Variants in ZNF521 observed in about 807,000 individuals in gnomAD.
ZNF521 encodes zinc finger protein 521.
In ZNF521, 14 loss-of-function variants were observed where a neutral mutation model predicts 105.5. The observed-to-expected ratio is 0.13, with a 90% CI of 0.09 to 0.21. The LOEUF (loss-of-function observed/expected upper bound fraction) is 0.21. ZNF521 is among the 10% of genes least tolerant of loss of function. The pLI is 1.00. For synonymous variants in ZNF521, 635 were observed against 606.0 expected, an observed-to-expected ratio of 1.05 and a Z score of -0.70; for missense variants, 1,233 against 1,629.7, an observed-to-expected ratio of 0.76 and a Z score of 4.19.
chr18:25,111,593 AC>A (rs933300435), intron 5 of ZNF521, among the ~76,000 whole-genome samples: 1 of 152,182 alleles, frequency 6.6e-6, no homozygotes, highest in Non-Finnish European at 1.5e-5. Flanking sequence ...TAAAGCTGAC[AC>A]CCCTGGTCAG....
chr18:25,116,889 G>A (rs914998146), intron 5 of ZNF521, among the ~76,000 whole-genome samples: 6 of 45,148 alleles, frequency 1.3e-4, no homozygotes, highest in African/African-American at 1.9e-4. Flanking sequence ...ATATATATAC[G>A]TATATATATA....
At chr18:25,233,156 A>G (rs1568025908) in intron 3 of ZNF521, among the ~76,000 whole-genome samples, 1 of 152,234 alleles carries the variant, frequency 6.6e-6, no homozygotes, top group Non-Finnish European at 1.5e-5. Context: ...ACACCATCAT[A>G]TTTAAAATCT....
chr18:25,245,249 C>T (rs1225350908), intron 3 of ZNF521, among the ~76,000 whole-genome samples: 1 of 152,124 alleles, frequency 6.6e-6, no homozygotes, highest in African/African-American at 2.4e-5. Flanking sequence ...TGAATTCGTC[C>T]TTTTTATTAA....
At chr18:25,160,229 G>C (rs572715129) in intron 5 of ZNF521, among the ~76,000 whole-genome samples, 9 of 152,218 alleles carry the variant, frequency 5.9e-5, no homozygotes, top group Non-Finnish European at 1.2e-4. Context: ...AAATGAAATC[G>C]GGTAAACTTT....
At chr18:25,294,516 A>G (rs962760319) in intron 3 of ZNF521, among the ~76,000 whole-genome samples, 1 of 152,198 alleles carries the variant, frequency 6.6e-6, no homozygotes, top group Admixed American at 6.5e-5. Context: ...GAAAATGTAC[A>G]TGGCAAACCT....
At chr18:25,096,601 T>A (rs2033856763) in intron 5 of ZNF521, among the ~76,000 whole-genome samples, 1 of 152,092 alleles carries the variant, frequency 6.6e-6, no homozygotes, top group South Asian at 2.1e-4. Flanking sequence ...AAATCTAGAG[T>A]GGCTACAAGC....
intron 4 of ZNF521, among the ~76,000 whole-genome samples, chr18:25,209,501 G>A (rs547926880): frequency 1.3e-5 from 2 of 152,144 alleles, no homozygotes; most frequent in African/African-American, 4.8e-5. Flanking sequence ...TTTCCCCCCA[G>A]TATGTAAATA....
chr18:25,156,441 G>A (rs769970232), intron 5 of ZNF521, among the ~76,000 whole-genome samples: 7 of 152,040 alleles, frequency 4.6e-5, no homozygotes, highest in African/African-American at 7.2e-5. Flanking sequence ...ATTTTCTCAC[G>A]CTCATTCGTC....
chr18:25,195,296 T>G, intron 4 of ZNF521, 52 bp from the exon 5 acceptor site: 1 of 1,395,540 alleles, frequency 7.2e-7, no homozygotes, highest in Non-Finnish European at 9.8e-7. Context: ...CTTTTAATTG[T>G]TTCTTTGTTT....
chr18:25,128,106 C>T (rs1335396397), intron 5 of ZNF521, among the ~76,000 whole-genome samples: 2 of 151,640 alleles, frequency 1.3e-5, no homozygotes, highest in Admixed American at 6.6e-5. Context: ...TCCAACAATA[C>T]ATAAAACAAT....
intron 3 of ZNF521, among the ~76,000 whole-genome samples, chr18:25,266,743 C>T (rs1314752565): frequency 1.3e-5 from 2 of 152,170 alleles, no homozygotes; most frequent in Non-Finnish European, 2.9e-5. Flanking sequence ...TTCCCACGGT[C>T]TTCACAACCC....
At chr18:25,114,517 G>T (rs2034265049) in intron 5 of ZNF521, among the ~76,000 whole-genome samples, 1 of 152,132 alleles carries the variant, frequency 6.6e-6, no homozygotes. Flanking sequence ...ATGATGGAGA[G>T]AATAGCATAG....
intron 3 of ZNF521, among the ~76,000 whole-genome samples, chr18:25,309,220 A>G (rs1452912890): frequency 6.6e-6 from 1 of 152,238 alleles, no homozygotes; most frequent in East Asian, 1.9e-4. Flanking sequence ...GCTTCAGTCC[A>G]AGTGACAAAA....
chr18:25,216,955 A>T (rs1359490061), intron 4 of ZNF521, among the ~76,000 whole-genome samples: 3 of 152,210 alleles, frequency 2.0e-5, no homozygotes, highest in Non-Finnish European at 4.4e-5. Flanking sequence ...AGAAAGAGCC[A>T]GCAGAACAGA....
chr18:25,133,049 C>T (rs891561504), intron 5 of ZNF521, among the ~76,000 whole-genome samples: 1 of 152,108 alleles, frequency 6.6e-6, no homozygotes, highest in Admixed American at 6.6e-5. Flanking sequence ...TCCTAATTGC[C>T]GCTTAGTCAG....
chr18:25,087,759 T>C (rs2033655087), intron 7 of ZNF521, among the ~76,000 whole-genome samples: 1 of 152,214 alleles, frequency 6.6e-6, no homozygotes, highest in Non-Finnish European at 1.5e-5. Flanking sequence ...TATATTCAAT[T>C]CATGAACACA....
chr18:25,318,102 A>G (rs1001027368), intron 3 of ZNF521, among the ~76,000 whole-genome samples: 10 of 152,294 alleles, frequency 6.6e-5, no homozygotes, highest in African/African-American at 2.2e-4. Context: ...ACAAATAATG[A>G]TATGTTCATA....
chr18:25,088,166 C>A (rs2144201048), intron 7 of ZNF521, among the ~76,000 whole-genome samples: 1 of 152,148 alleles, frequency 6.6e-6, no homozygotes, highest in Admixed American at 6.5e-5. Context: ...AGGCTAAATA[C>A]CTGTGTTGTT....
intron 2 of ZNF521, among the ~76,000 whole-genome samples, chr18:25,350,291 G>A (rs1914674362): frequency 6.6e-6 from 1 of 151,888 alleles, no homozygotes; most frequent in Admixed American, 6.5e-5. Flanking sequence ...ATGGCCAAGA[G>A]GGGTGCTCTG....
Sources: gnomAD v4.1 joint callset for allele counts (sites outside exome capture counted in the v4.1 genomes callset) on GRCh38, gnomAD v4.1.1 for gene constraint, MANE v1.5 for transcripts, NCBI Gene and HGNC (gene_info 2026-07-23, HGNC 2026-07-21) for gene names.